The following DNM3 variants were observed in gnomAD, a reference collection of about 807,000 sequenced individuals.
DNM3 encodes dynamin 3, also known as dynamin-3.
DNM3 carries 47 observed loss-of-function variants against 101.6 expected under a neutral mutation model. The observed-to-expected ratio is 0.46, with a 90% CI of 0.37 to 0.59. The LOEUF is 0.59. Among genes scored for constraint, DNM3 ranks in the 20% least tolerant of loss-of-function variants. The pLI is 0.00. For missense variants in DNM3, 849 were observed against 1,085.7 expected, an observed-to-expected ratio of 0.78 and a Z score of 3.06; for synonymous variants, 385 against 387.9, an observed-to-expected ratio of 0.99 and a Z score of 0.09.
intron 4 of DNM3, among the ~76,000 whole-genome samples, chr1:172,005,317 G>A (rs760997168): frequency 6.6e-6 from 1 of 152,012 alleles, no homozygotes; most frequent in African/African-American, 2.4e-5. Context: ...TTGTTAAGTT[G>A]GTTAAAAAGC....
At chr1:172,031,151 C>G (rs747896587) in intron 4 of DNM3, among the ~76,000 whole-genome samples, 4 of 152,050 alleles carry the variant, frequency 2.6e-5, no homozygotes, top group Non-Finnish European at 5.9e-5. Flanking sequence ...TGGAACCAAC[C>G]CAAATGGCCA....
At chr1:172,361,600 G>C (rs933705386) in intron 17 of DNM3, among the ~76,000 whole-genome samples, 13 of 151,884 alleles carry the variant, frequency 8.6e-5, no homozygotes, top group African/African-American at 3.1e-4. Context: ...TAATATTTGA[G>C]GGTGGAGCCC....
chr1:172,085,991 G>A (rs960925918), intron 12 of DNM3, among the ~76,000 whole-genome samples: 14 of 152,082 alleles, frequency 9.2e-5, no homozygotes, highest in African/African-American at 2.9e-4. Context: ...GTTGCTTACT[G>A]AGATTGTTGT....
At chr1:171,876,399 C>A (rs940812958) in intron 1 of DNM3, among the ~76,000 whole-genome samples, 1 of 152,044 alleles carries the variant, frequency 6.6e-6, no homozygotes. Flanking sequence ...TTCTTTTTCT[C>A]CCCTAAATCT....
chr1:172,144,102 T>C (rs2148181122), intron 14 of DNM3, among the ~76,000 whole-genome samples: 1 of 152,168 alleles, frequency 6.6e-6, no homozygotes, highest in Non-Finnish European at 1.5e-5. Context: ...AAACTATTCT[T>C]AAGTGTCTGG....
At chr1:171,902,765 A>T (rs886977413) in intron 1 of DNM3, among the ~76,000 whole-genome samples, 2 of 152,144 alleles carry the variant, frequency 1.3e-5, no homozygotes, top group African/African-American at 4.8e-5. Context: ...AAGGATTGGA[A>T]ATTCCAATTT....
chr1:172,229,971 T>C (rs2061273030), intron 14 of DNM3, among the ~76,000 whole-genome samples: 1 of 152,194 alleles, frequency 6.6e-6, no homozygotes, highest in Non-Finnish European at 1.5e-5. Context: ...ACAACTCTTA[T>C]CCTTTGCTCT....
intron 1 of DNM3, among the ~76,000 whole-genome samples, chr1:171,895,164 C>G (rs1370320680): frequency 1.3e-5 from 2 of 152,106 alleles, no homozygotes; most frequent in Admixed American, 1.3e-4. Flanking sequence ...GTAATGGGAT[C>G]ACTGGGTGAA....
intron 1 of DNM3, among the ~76,000 whole-genome samples, chr1:171,899,048 C>G (rs1045493557): frequency 6.6e-6 from 1 of 152,208 alleles, no homozygotes; most frequent in African/African-American, 2.4e-5. Flanking sequence ...CTCTTAGCCC[C>G]TCCGGACGCT....
chr1:172,264,591 C>T (rs1301518661), intron 15 of DNM3, among the ~76,000 whole-genome samples: 1 of 152,076 alleles, frequency 6.6e-6, no homozygotes, highest in Admixed American at 6.6e-5. Flanking sequence ...AATTTTTATC[C>T]CTGTCCTCCA....
intron 2 of DNM3, among the ~76,000 whole-genome samples, chr1:171,981,693 C>A (rs2044806787): frequency 6.6e-6 from 1 of 152,072 alleles, no homozygotes; most frequent in Non-Finnish European, 1.5e-5. Context: ...CCTAATCATT[C>A]TTTGATATAG....
intron 17 of DNM3, among the ~76,000 whole-genome samples, chr1:172,351,572 A>G (rs925144401): frequency 1.1e-4 from 17 of 152,210 alleles, no homozygotes; most frequent in African/African-American, 4.1e-4. Context: ...GAAACTTGAT[A>G]TATCAGGTCT....
At chr1:172,283,759 C>CAAAAAAAAAAAAAAAAAAAAAA (rs769812358) in intron 15 of DNM3, among the ~76,000 whole-genome samples, 1 of 40,296 alleles carries the variant, frequency 2.5e-5, no homozygotes, top group Non-Finnish European at 6.0e-5. Context: ...GACTCCATCT[C>CAAAAAAAAAAAAAAAAAAAAAA]AAAAAAAAAA....
intron 17 of DNM3, among the ~76,000 whole-genome samples, chr1:172,352,251 A>G (rs1323361839): frequency 6.6e-6 from 1 of 152,256 alleles, no homozygotes; most frequent in Non-Finnish European, 1.5e-5. Flanking sequence ...CTATGAAGGT[A>G]GAGAGATTGT....
At chr1:171,931,560 C>T (rs1299491071) in intron 2 of DNM3, among the ~76,000 whole-genome samples, 1 of 152,152 alleles carries the variant, frequency 6.6e-6, no homozygotes, top group Non-Finnish European at 1.5e-5. Context: ...TAGCACAGTG[C>T]TCTTCACTTT....
At chr1:171,930,651 G>C (rs570706017) in intron 2 of DNM3, among the ~76,000 whole-genome samples, 1 of 152,298 alleles carries the variant, frequency 6.6e-6, no homozygotes, top group East Asian at 1.9e-4. Context: ...CTGGGTGGGG[G>C]ATGTTCCTCT....
Position 172,408,670 on chromosome 1 carries a change from G to C in DNM3, c.*829G>C, listed in dbSNP as rs1035035025. On this transcript the variant is annotated 3_prime_UTR_variant, in exon 21 of 21. Transcript: ENST00000627582. ...GTAGGTTATATTGAAGGCTGACATGGAGAATGTTTACTTTTCTATTTGGCA... is the reference window on the plus strand; with the variant it reads ...GTAGGTTATATTGAAGGCTGACATGCAGAATGTTTACTTTTCTATTTGGCA... The C allele has an allele frequency of 7.1e-6, 7 of 984,918 alleles. No individual in the cohort carries two copies. Among genetic ancestry groups the C allele is most frequent in the Non-Finnish European group, 8.4e-6 (7 of 829,538 alleles). The allele number at this position is 984,918 out of a possible 1,614,324, so 61.0% of individuals were successfully genotyped here.
intron 4 of DNM3, among the ~76,000 whole-genome samples, chr1:172,007,202 A>T (rs1342406046): frequency 1.1e-4 from 16 of 152,152 alleles, no homozygotes; most frequent in Admixed American, 8.5e-4. Context: ...TATTAAAAAA[A>T]TTTTAAAAAC....
intron 20 of DNM3, 51 bp from the exon 21 acceptor site, chr1:172,407,721 T>A: frequency 6.3e-7 from 1 of 1,577,974 alleles, no homozygotes; most frequent in Non-Finnish European, 8.7e-7. Flanking sequence ...GGAACAATGT[T>A]CTGCTAGATA....
Sources: allele counts gnomAD v4.1 joint callset (sites outside exome capture counted in the v4.1 genomes callset), GRCh38; gene constraint gnomAD v4.1.1; transcripts MANE v1.5; gene names NCBI Gene and HGNC (gene_info 2026-07-23, HGNC 2026-07-21).